Variants in PRTG observed in about 807,000 individuals in gnomAD.
PRTG encodes protogenin.
Under a neutral mutation model 122.5 loss-of-function variants are expected in PRTG, and 67 were observed. The ratio of observed to expected loss-of-function variants is 0.55; its 90% confidence interval spans 0.45 to 0.67. The LOEUF (loss-of-function observed/expected upper bound fraction) is 0.67. Among genes scored for constraint, PRTG ranks in the 30% least tolerant of loss-of-function variants. PRTG has a pLI of 0.00. For synonymous variants in PRTG, 554 were observed against 501.1 expected (o/e 1.11, Z -1.41); for missense variants, 1,435 against 1,415.4 (o/e 1.01, Z -0.22).
In PRTG at chr15:55,727,371, T is replaced by C. The variant is rs546219923; in HGVS notation, c.397+13011A>G. Among the ~76,000 whole-genome samples the C allele has an allele frequency of 7.9e-5, 12 of 152,116 alleles. No homozygotes were observed. The South Asian group carries it at 2.5e-3, about 32-fold the overall frequency. ...TAAAAAAGATGATAAGAAAATACTA[T>C]GAACTGACAAATCAGATAGCCTAGA... is the stretch of plus-strand genomic sequence containing the variant. On this transcript the variant is annotated intron_variant, in intron 2 of 19. Transcript: ENST00000389286.
chr15:55,625,998 C>T (rs2059192717), intron 17 of PRTG, among the ~76,000 whole-genome samples: 4 of 152,136 alleles, frequency 2.6e-5, no homozygotes, highest in Non-Finnish European at 5.9e-5. Context: ...AGGGATCCTC[C>T]CACCTTGACT....
chr15:55,736,478 T>C (rs1305446254), intron 2 of PRTG, among the ~76,000 whole-genome samples: 2 of 152,100 alleles, frequency 1.3e-5, no homozygotes, highest in Non-Finnish European at 2.9e-5. Flanking sequence ...TACTTTTTAA[T>C]ACGCAAGCCT....
At chr15:55,687,230 T>C (rs1293723604) in intron 2 of PRTG, among the ~76,000 whole-genome samples, 1 of 152,218 alleles carries the variant, frequency 6.6e-6, no homozygotes, top group African/African-American at 2.4e-5. Flanking sequence ...AAGAAAATAG[T>C]GCTTTTTATT....
At chr15:55,700,306 C>A (rs148857318) in intron 2 of PRTG, among the ~76,000 whole-genome samples, 1 of 151,820 alleles carries the variant, frequency 6.6e-6, no homozygotes, top group African/African-American at 2.4e-5. Flanking sequence ...TTATACCTTA[C>A]GCAAAAAAAT....
chr15:55,669,437 G>A (rs1195973991), intron 11 of PRTG, among the ~76,000 whole-genome samples: 1 of 152,158 alleles, frequency 6.6e-6, no homozygotes, highest in African/African-American at 2.4e-5. Flanking sequence ...TAAACAGGCA[G>A]CTACTGCCAG....
At chr15:55,715,545 G>T (rs1346509245) in intron 2 of PRTG, among the ~76,000 whole-genome samples, 1 of 152,166 alleles carries the variant, frequency 6.6e-6, no homozygotes, top group East Asian at 1.9e-4. Context: ...AGCCCTAACG[G>T]ATACTTTAGT....
Position 55,672,454 on chromosome 15 carries a change from T to G in PRTG, c.2032A>C (p.Ser678Arg). The G allele has an allele frequency of 1.2e-6, 2 of 1,612,912 alleles. No homozygotes were observed. The highest frequency in any genetic ancestry group is 1.7e-4 in the Middle Eastern group (1 of 6,050). ...LDTKDLLYTL[S>R]GLDPRRKYHV... Reference sequence around the variant, plus strand: ...GTACAAACTCACTCACCTAAGCCACTGAGAGTATAGAGTAGGTCCTTGGTA... The same window carrying G: ...GTACAAACTCACTCACCTAAGCCACGGAGAGTATAGAGTAGGTCCTTGGTA... Residue 678 changes from serine (S) to arginine (R), a missense_variant, in exon 11 of 20, where the codon AGT (serine) becomes CGT (arginine). Coordinates refer to ENST00000389286, the MANE Select transcript of PRTG (RefSeq NM_173814.6).
At chr15:55,628,720 A>G (rs2059209062) in intron 16 of PRTG, 102 bp downstream of exon 16, 3 of 871,018 alleles carry the variant, frequency 3.4e-6, no homozygotes, top group African/African-American at 3.3e-5. Flanking sequence ...CGGAACTGAG[A>G]GCCGGTTTAG....
At chr15:55,682,308 G>T in intron 4 of PRTG, 56 bp downstream of exon 4, 1 of 1,408,276 alleles carries the variant, frequency 7.1e-7, no homozygotes. Flanking sequence ...AGGAGAAGAA[G>T]TAACAACTGC....
intron 11 of PRTG, among the ~76,000 whole-genome samples, chr15:55,660,812 ATAAAAATATTGACTTATTT>A (rs2059405749): frequency 6.6e-6 from 1 of 152,226 alleles, no homozygotes; most frequent in African/African-American, 2.4e-5. Context: ...ACAAAGTGCT[ATAAAAATATTGACTTATTT>A]TAAAAGAGAT....
intron 2 of PRTG, among the ~76,000 whole-genome samples, chr15:55,701,355 T>C (rs1057320189): frequency 3.9e-5 from 6 of 152,108 alleles, no homozygotes; most frequent in African/African-American, 1.4e-4. Context: ...GCCAAGATGG[T>C]AAAACTCCCT....
At chr15:55,645,482 G>A (rs1418204436) in intron 11 of PRTG, among the ~76,000 whole-genome samples, 2 of 142,468 alleles carry the variant, frequency 1.4e-5, no homozygotes, top group Non-Finnish European at 3.1e-5. Flanking sequence ...CCCTCAAATA[G>A]TGTTAAGATA....
intron 2 of PRTG, among the ~76,000 whole-genome samples, chr15:55,707,584 C>T (rs1028027812): frequency 1.3e-5 from 2 of 152,188 alleles, no homozygotes; most frequent in Non-Finnish European, 2.9e-5. Flanking sequence ...TTCTGGACAA[C>T]AGCCATATAG....
intron 11 of PRTG, among the ~76,000 whole-genome samples, chr15:55,641,980 C>T (rs1002587380): frequency 6.6e-5 from 10 of 150,636 alleles, no homozygotes; most frequent in Non-Finnish European, 1.3e-4. Context: ...CGAGACCATC[C>T]TGGCTAACAA....
chr15:55,653,508 G>A (rs1347857401), intron 11 of PRTG, among the ~76,000 whole-genome samples: 1 of 151,534 alleles, frequency 6.6e-6, no homozygotes, highest in East Asian at 1.9e-4. Flanking sequence ...TTGTTGCCCA[G>A]GCTGGAGTGC....
In PRTG at chr15:55,679,341, A is replaced by G. The variant is rs1438906290; in HGVS notation, c.1078T>C (p.Trp360Arg). 1 of 1,613,152 alleles carries G rather than the reference A, an allele frequency of 6.2e-7. No individual in the cohort carries two copies. Among genetic ancestry groups the G allele is most frequent in the East Asian group, 2.2e-5 (1 of 44,864 alleles). ...AEGIPSPKMS[W>R]LKNGRKIHSN... is the part of the protein sequence containing the mutation. ...TGTATCTTCCTTCCATTTTTCAACC[A>G]TGACATCTTGGGAGAGGGGATTCCT... is the stretch of plus-strand genomic sequence containing the variant. The change falls in exon 7 of 20, where the codon TGG becomes CGG. Residue 360 changes from tryptophan (W) to arginine (R), a missense_variant. Coordinates refer to ENST00000389286, the MANE Select transcript of PRTG (RefSeq NM_173814.6).
At chr15:55,629,059 C>G in intron 15 of PRTG, 55 bp from the exon 16 acceptor site, 2 of 1,225,640 alleles carry the variant, frequency 1.6e-6, no homozygotes, top group South Asian at 3.2e-5. Context: ...TTCTTTCACT[C>G]ATATTATACA....
At chr15:55,665,441 A>T (rs1361424602) in intron 11 of PRTG, among the ~76,000 whole-genome samples, 2 of 151,628 alleles carry the variant, frequency 1.3e-5, no homozygotes, top group East Asian at 3.9e-4. Flanking sequence ...TAAATCTAGA[A>T]CTTCTAAATT....
chr15:55,668,381 T>C (rs1157982744), intron 11 of PRTG, among the ~76,000 whole-genome samples: 1 of 152,160 alleles, frequency 6.6e-6, no homozygotes, highest in Non-Finnish European at 1.5e-5. Flanking sequence ...TAAGCTAACT[T>C]CAGAATTTAA....
Sources: gnomAD v4.1 joint callset for allele counts (sites outside exome capture counted in the v4.1 genomes callset) on GRCh38, gnomAD v4.1.1 for gene constraint, MANE v1.5 for transcripts, NCBI Gene and HGNC (gene_info 2026-07-23, HGNC 2026-07-21) for gene names.